The following EFCAB11 variants were observed in gnomAD, a reference collection of about 807,000 sequenced individuals.
EFCAB11 encodes the protein EF-hand calcium-binding domain-containing protein 11.
EFCAB11 carries 14 observed loss-of-function variants against 23.0 expected under a neutral mutation model. The ratio of observed to expected loss-of-function variants is 0.61; its 90% CI spans 0.40 to 0.95. The LOEUF (loss-of-function observed/expected upper bound fraction) is 0.95, where lower values mean the gene tolerates loss of function less well. Ranked by LOEUF, EFCAB11 falls within the 40% of genes least tolerant of loss-of-function variation. The pLI, the probability that EFCAB11 is intolerant of heterozygous loss-of-function variation, is 0.00. For missense variants in EFCAB11, 198 were observed against 195.8 expected, an observed-to-expected ratio of 1.01 and a Z score of -0.07; for synonymous variants, 65 against 66.6, an observed-to-expected ratio of 0.98 and a Z score of 0.11.
chr14:89,850,618 T>C (rs1887574064), intron 5 of EFCAB11, among the ~76,000 whole-genome samples: 1 of 152,242 alleles, frequency 6.6e-6, no homozygotes, highest in Non-Finnish European at 1.5e-5. Flanking sequence ...GTTTTAAACC[T>C]ACCTCCATTC....
At chr14:89,939,907 T>G (rs1340818236) in intron 3 of EFCAB11, among the ~76,000 whole-genome samples, 1 of 152,066 alleles carries the variant, frequency 6.6e-6, no homozygotes, top group Non-Finnish European at 1.5e-5. Context: ...CCCAGCTAAT[T>G]TTTGTATTTT....
intron 5 of EFCAB11, among the ~76,000 whole-genome samples, chr14:89,841,425 C>A (rs950464955): frequency 2.6e-5 from 4 of 151,676 alleles, no homozygotes; most frequent in African/African-American, 4.9e-5. Flanking sequence ...CTCCCCTCCC[C>A]CTCAACTACT....
intron 5 of EFCAB11, among the ~76,000 whole-genome samples, chr14:89,887,824 C>T (rs1888841230): frequency 6.6e-6 from 1 of 152,154 alleles, no homozygotes; most frequent in South Asian, 2.1e-4. Flanking sequence ...CATTAAACAT[C>T]TGTATCATAT....
intron 5 of EFCAB11, among the ~76,000 whole-genome samples, chr14:89,912,757 C>T (rs547019015): frequency 9.9e-5 from 15 of 152,236 alleles, no homozygotes; most frequent in South Asian, 6.2e-4. Flanking sequence ...GCTTAAGAAA[C>T]GGGAACAACA....
In EFCAB11 at chr14:89,934,985, C is replaced by CCA. The variant is rs781414709; in HGVS notation, c.218-2360_218-2359dup. ...CCAAGCCAAGAGGCCCTTTCGCACT[C>CCA]CACACCTTTGCATGTATAGAACACA... is the stretch of plus-strand genomic sequence containing the variant. On this transcript the variant is annotated intron_variant, in intron 3 of 5. Transcript: ENST00000316738. 3.7e-4 allele frequency among the ~76,000 whole-genome samples: 57 copies of CCA among 152,306 alleles called. 1 individual carries two copies. Among genetic ancestry groups the CCA allele is most frequent in the Admixed American group, 9.8e-4 (15 of 15,300 alleles).
At chr14:89,842,622 G>GATATA in intron 5 of EFCAB11, among the ~76,000 whole-genome samples, 1 of 150,630 alleles carries the variant, frequency 6.6e-6, no homozygotes, top group African/African-American at 2.5e-5. Context: ...GATATGATAT[G>GATATA]ATATGATATG....
intron 5 of EFCAB11, among the ~76,000 whole-genome samples, chr14:89,798,586 C>G (rs546357678): frequency 9.8e-5 from 15 of 152,312 alleles, no homozygotes; most frequent in Non-Finnish European, 2.2e-4. Flanking sequence ...TCTTTCCACT[C>G]TGAACTGGTA....
chr14:89,801,344 GTTGAGTCAGGGGCTGAAGA>G (rs922101913), intron 5 of EFCAB11, among the ~76,000 whole-genome samples: 1 of 152,206 alleles, frequency 6.6e-6, no homozygotes, highest in Non-Finnish European at 1.5e-5. Context: ...GGGTGTCAGT[GTTGAGTCAGGGGCTGAAGA>G]TTGAGTCAGG....
In EFCAB11 at chr14:89,870,046, A is replaced by G. The variant is rs527699978; in HGVS notation, c.410+61495T>C. On this transcript the variant is annotated intron_variant, in intron 5 of 5. Transcript: ENST00000316738. ...GGAAGACAGAATTACAAAAGGAAAT[A>G]TGATGGCTTCTTCATTCCTCAAGAA... Among the ~76,000 whole-genome samples the G allele has an allele frequency of 2.0e-3, 310 of 152,352 alleles. 1 individual carries two copies. The highest frequency in any genetic ancestry group is 7.1e-3 in the African/African-American group (294 of 41,586).
chr14:89,804,756 T>C (rs759146937), intron 5 of EFCAB11, among the ~76,000 whole-genome samples: 2 of 152,212 alleles, frequency 1.3e-5, no homozygotes, highest in Non-Finnish European at 2.9e-5. Context: ...AAATGCTTTT[T>C]TTGGGAGGAA....
At chr14:89,918,302 G>T (rs772360308) in intron 5 of EFCAB11, among the ~76,000 whole-genome samples, 2 of 152,132 alleles carry the variant, frequency 1.3e-5, no homozygotes, top group Non-Finnish European at 2.9e-5. Context: ...ACTTTAGGAG[G>T]CCAAGGCAGG....
chr14:89,882,128 T>C (rs932115631), intron 5 of EFCAB11, among the ~76,000 whole-genome samples: 20 of 152,208 alleles, frequency 1.3e-4, no homozygotes, highest in African/African-American at 4.8e-4. Flanking sequence ...TTACCTAACA[T>C]GAATCTTACA....
At chr14:89,919,546 C>G (rs1027864821) in intron 5 of EFCAB11, among the ~76,000 whole-genome samples, 3 of 152,062 alleles carry the variant, frequency 2.0e-5, no homozygotes, top group Admixed American at 6.6e-5. Context: ...GACAAGAGTC[C>G]AGGATTCATG....
rs527473797 is a variant in EFCAB11, at chr14:89,839,902, G to A, written c.411-42578C>T. ...GGATGGTGCTAAACCATTAGAAACC[G>A]CCCCCATGAACCATCACCTCGCACC... On this transcript the variant is annotated intron_variant, in intron 5 of 5. Transcript: ENST00000316738. Among the ~76,000 whole-genome samples, 12 of 152,128 alleles carry A rather than the reference G, an allele frequency of 7.9e-5. No individual in the cohort carries two copies. The South Asian group carries it at 1.5e-3, about 18-fold the overall frequency.
intron 5 of EFCAB11, among the ~76,000 whole-genome samples, chr14:89,892,922 AAAAG>A (rs1404473290): frequency 6.6e-6 from 1 of 152,036 alleles, no homozygotes; most frequent in Non-Finnish European, 1.5e-5. Context: ...AAAAGAAAAG[AAAAG>A]AAAGGCCTGA....
At chr14:89,854,228 T>C (rs573061251) in intron 5 of EFCAB11, among the ~76,000 whole-genome samples, 4 of 86,668 alleles carry the variant, frequency 4.6e-5, no homozygotes, top group South Asian at 5.4e-4. Flanking sequence ...TCAAAGCAGA[T>C]ACAAACACAT....
At chr14:89,937,409 G>C (rs17798962) in intron 3 of EFCAB11, among the ~76,000 whole-genome samples, 3,696 of 152,164 alleles carry the variant, frequency 0.024, 56 homozygotes, top group African/African-American at 0.044. Context: ...CTGGACCAAT[G>C]ATCTTTACAA....
intron 5 of EFCAB11, among the ~76,000 whole-genome samples, chr14:89,874,133 C>A (rs1888362568): frequency 6.6e-6 from 1 of 152,236 alleles, no homozygotes; most frequent in African/African-American, 2.4e-5. Flanking sequence ...AACCTCAGTT[C>A]TTGACTTCTG....
intron 5 of EFCAB11, among the ~76,000 whole-genome samples, chr14:89,854,546 A>G (rs1887692776): frequency 6.6e-6 from 1 of 152,232 alleles, no homozygotes; most frequent in East Asian, 1.9e-4. Flanking sequence ...ATACATGCCT[A>G]CGATCCAGCT....
Sources: gnomAD v4.1 joint callset for allele counts (sites outside exome capture counted in the v4.1 genomes callset) on GRCh38, gnomAD v4.1.1 for gene constraint, MANE v1.5 for transcripts, NCBI Gene and HGNC (gene_info 2026-07-23, HGNC 2026-07-21) for gene names.